The following EED variants were observed in gnomAD, a reference collection of about 807,000 sequenced individuals.
EED encodes the protein embryonic ectoderm development.
A neutral mutation model predicts 61.0 loss-of-function variants in EED; 9 were observed. The observed-to-expected ratio is 0.15, with a 90% CI of 0.09 to 0.26. EED has a LOEUF of 0.26. Among genes scored for constraint, EED ranks in the 10% least tolerant of loss-of-function variants. The pLI is 1.00. For missense variants in EED, 315 were observed against 542.3 expected, an observed-to-expected ratio of 0.58 and a Z score of 4.16; for synonymous variants, 187 against 174.4, an observed-to-expected ratio of 1.07 and a Z score of -0.57.
intron 3 of EED, among the ~76,000 whole-genome samples, chr11:86,253,400 G>T (rs927349887): frequency 6.6e-6 from 1 of 152,140 alleles, no homozygotes; most frequent in African/African-American, 2.4e-5. Context: ...ATTTAGCTTT[G>T]ATAGTATTAT....
chr11:86,264,323 T>C (rs1945918010), intron 7 of EED, 60 bp downstream of exon 7: 2 of 1,204,560 alleles, frequency 1.7e-6, no homozygotes, highest in African/African-American at 1.5e-5. Flanking sequence ...ACAGTCTCCA[T>C]GGAACTGTTT....
intron 9 of EED, among the ~76,000 whole-genome samples, chr11:86,272,262 G>T (rs1412938312): frequency 6.7e-6 from 1 of 149,970 alleles, no homozygotes; most frequent in Non-Finnish European, 1.5e-5. Context: ...GTTTCACTGT[G>T]TTAGCCAGGA....
chr11:86,254,788 A>G (rs1945628410), intron 3 of EED, among the ~76,000 whole-genome samples: 1 of 151,762 alleles, frequency 6.6e-6, no homozygotes, highest in African/African-American at 2.4e-5. Context: ...ACGCTCAGCT[A>G]ATTTTTGTAT....
intron 6 of EED, among the ~76,000 whole-genome samples, 184 bp downstream of exon 6, chr11:86,257,780 T>C (rs1397048588): frequency 6.6e-6 from 1 of 152,208 alleles, no homozygotes; most frequent in African/African-American, 2.4e-5. Context: ...CATCACAGCC[T>C]TACACAGAAA....
intron 6 of EED, among the ~76,000 whole-genome samples, chr11:86,258,313 A>G (rs989610864): frequency 6.6e-6 from 1 of 152,206 alleles, no homozygotes; most frequent in Non-Finnish European, 1.5e-5. Context: ...TTGTTTTATA[A>G]AGGATTTCCT....
chr11:86,248,543 T>C (rs984750934), intron 1 of EED, among the ~76,000 whole-genome samples: 2 of 152,210 alleles, frequency 1.3e-5, no homozygotes, highest in African/African-American at 2.4e-5. Flanking sequence ...GCAAATGTTA[T>C]ACAGTAATGG....
intron 1 of EED, among the ~76,000 whole-genome samples, chr11:86,247,456 A>G (rs1428976662): frequency 6.6e-6 from 1 of 152,264 alleles, no homozygotes; most frequent in Non-Finnish European, 1.5e-5. Flanking sequence ...AAGATCTAGC[A>G]GCGGGTCTGA....
At chr11:86,254,783 C>G (rs564227351) in intron 3 of EED, among the ~76,000 whole-genome samples, 2 of 152,082 alleles carry the variant, frequency 1.3e-5, no homozygotes, top group Admixed American at 6.5e-5. Context: ...CCACCACGCT[C>G]AGCTAATTTT....
At chr11:86,258,499 A>T (rs1374975306) in intron 6 of EED, among the ~76,000 whole-genome samples, 1 of 150,872 alleles carries the variant, frequency 6.6e-6, no homozygotes, top group African/African-American at 2.4e-5. Context: ...ATAGACCGTA[A>T]TGCCTCACTT....
intron 9 of EED, 33 bp downstream of exon 9, chr11:86,268,594 C>T (rs949786104): frequency 5.8e-5 from 48 of 820,608 alleles, no homozygotes; most frequent in South Asian, 9.4e-5. Flanking sequence ...GTACTTCCAT[C>T]GTGTGTGTGT....
intron 1 of EED, among the ~76,000 whole-genome samples, chr11:86,249,274 A>G (rs1945466315): frequency 6.6e-6 from 1 of 151,832 alleles, no homozygotes; most frequent in Non-Finnish European, 1.5e-5. Context: ...CTATTATTTC[A>G]TTTATGATAT....
rs551321312 is a variant in EED, at chr11:86,256,577, T to C, written c.552+65T>C. 3.0e-5 allele frequency: 42 copies of C among 1,413,212 alleles called. No homozygotes were observed. The South Asian group carries it at 5.6e-4, about 19-fold the overall frequency. The allele number at this position is 1,413,212 out of a possible 1,614,324, so 87.5% of individuals were successfully genotyped here. On this transcript the variant is annotated intron_variant, in intron 5 of 11. Coordinates refer to ENST00000263360, the MANE Select transcript of EED (RefSeq NM_003797.5). ...AATCCACAACTGTAAAAACTTGTAA[T>C]GTTAAATTTAAAACTAATGGTATGA...
In EED at chr11:86,246,753, A is replaced by C. The variant is rs1383742727; in HGVS notation, c.114+1410A>C. On this transcript the variant is annotated intron_variant, in intron 1 of 11. Transcript: ENST00000263360. The stretch of plus-strand genomic sequence containing the variant: ...TTTCTTAAATTTCTCTAGGCAGATT[A>C]GAGTATTAAGAGCACAGATGCTGGA... Among the ~76,000 whole-genome samples, 5 of 152,322 alleles carry C rather than the reference A, an allele frequency of 3.3e-5. No individual in the cohort carries two copies. The South Asian group carries it at 1.0e-3, about 32-fold the overall frequency.
At chr11:86,269,462 A>G (rs1324251150) in intron 9 of EED, among the ~76,000 whole-genome samples, 1 of 152,108 alleles carries the variant, frequency 6.6e-6, no homozygotes, top group Non-Finnish European at 1.5e-5. Flanking sequence ...CTTGATGTGA[A>G]TTTCAGGCCA....
intron 4 of EED, among the ~76,000 whole-genome samples, 165 bp downstream of exon 4, chr11:86,255,452 A>G (rs938126354): frequency 1.3e-5 from 2 of 152,214 alleles, no homozygotes; most frequent in African/African-American, 4.8e-5. Flanking sequence ...CCTGACCCTT[A>G]GAAATCCATT....
At chr11:86,281,950 G>T (rs977086038), downstream of EED, among the ~76,000 whole-genome samples, 1 of 152,198 alleles carries the variant, frequency 6.6e-6, no homozygotes, top group East Asian at 1.9e-4. Flanking sequence ...TTTCCGAAAA[G>T]ACAAGACAGG....
At chr11:86,271,941 C>CT (rs149771515) in intron 9 of EED, among the ~76,000 whole-genome samples, 31,779 of 131,336 alleles carry the variant, frequency 0.24, 4,554 homozygotes, top group Non-Finnish European at 0.33. Context: ...CTGGTCTTAA[C>CT]TTTTTTTTTT....
At chr11:86,287,042 C>T in the EED span, among the ~76,000 whole-genome samples, 4 of 150,122 alleles carry the variant, frequency 2.7e-5, no homozygotes, top group Admixed American at 1.3e-4. Context: ...TATAGAAAGT[C>T]CCATGAAACA....
the EED span, among the ~76,000 whole-genome samples, chr11:86,285,546 TA>T: frequency 6.6e-6 from 1 of 152,262 alleles, no homozygotes; most frequent in East Asian, 1.9e-4. Flanking sequence ...CCATTCTAAG[TA>T]AAGTAAAATT....
Sources: gnomAD v4.1 joint callset for allele counts (sites outside exome capture counted in the v4.1 genomes callset) on GRCh38, gnomAD v4.1.1 for gene constraint, MANE v1.5 for transcripts, NCBI Gene and HGNC (gene_info 2026-07-23, HGNC 2026-07-21) for gene names.